The following MAPK10 variants were observed in gnomAD, a reference collection of about 807,000 sequenced individuals.
MAPK10 encodes the protein JNK3 alpha protein kinase.
MAPK10 carries 25 observed loss-of-function variants against 59.3 expected under a neutral mutation model. The ratio of observed to expected loss-of-function variants is 0.42; its 90% confidence interval spans 0.31 to 0.59. The LOEUF is 0.59. MAPK10 is among the 20% of genes least tolerant of loss of function. The pLI is 0.15. For synonymous variants in MAPK10, 190 were observed against 200.5 expected (o/e 0.95, Z 0.44); for missense variants, 351 against 568.9 (o/e 0.62, Z 3.90).
At chr4:86,500,488 G>A (rs1260147505) in intron 1 of MAPK10, among the ~76,000 whole-genome samples, 3 of 152,102 alleles carry the variant, frequency 2.0e-5, no homozygotes, top group African/African-American at 7.2e-5. Flanking sequence ...AAAGTGTTCT[G>A]AGTTTCCTGA....
At chr4:86,366,017 A>G (rs974066057) in intron 1 of MAPK10, among the ~76,000 whole-genome samples, 3 of 152,320 alleles carry the variant, frequency 2.0e-5, no homozygotes, top group East Asian at 3.9e-4. Context: ...TTGCTCTCCA[A>G]TCAAGGAGAT....
intron 1 of MAPK10, among the ~76,000 whole-genome samples, chr4:86,575,747 T>G (rs1236698765): frequency 6.6e-6 from 1 of 150,812 alleles, no homozygotes; most frequent in Non-Finnish European, 1.5e-5. Context: ...TGTTTAAGAA[T>G]GAGTTACTAC....
chr4:86,046,952 T>C (rs1018876231), intron 11 of MAPK10, among the ~76,000 whole-genome samples: 1 of 152,152 alleles, frequency 6.6e-6, no homozygotes, highest in Non-Finnish European at 1.5e-5. Flanking sequence ...AAAAGAGATA[T>C]ATAATGTCAA....
rs544408630 is a variant in MAPK10, at chr4:86,337,436, T to C, written c.-7+17094A>G. 8.5e-5 allele frequency among the ~76,000 whole-genome samples: 13 copies of C among 152,330 alleles called. 1 individual carries two copies. The highest frequency in any genetic ancestry group is 7.8e-4 in the Admixed American group (12 of 15,308). ...ATATCCACATTTATGTGAGTGGATG[T>C]CCAGAAGAAAGTATATAGTAAGTCT... On this transcript the variant is annotated intron_variant, in intron 2 of 13. Coordinates refer to ENST00000641462, the MANE Select transcript of MAPK10 (RefSeq NM_138982.4).
chr4:86,329,795 T>C (rs2096111005), intron 2 of MAPK10, among the ~76,000 whole-genome samples: 1 of 152,058 alleles, frequency 6.6e-6, no homozygotes, highest in African/African-American at 2.4e-5. Context: ...TTAGTCAATA[T>C]AGCACTTTTT....
intron 1 of MAPK10, among the ~76,000 whole-genome samples, chr4:86,583,512 A>C (rs575064758): frequency 2.6e-5 from 4 of 152,320 alleles, no homozygotes; most frequent in East Asian, 1.9e-4. Flanking sequence ...CATTAAAAAA[A>C]CGCAGTTTTC....
intron 1 of MAPK10, among the ~76,000 whole-genome samples, chr4:86,443,741 C>T (rs966051753): frequency 6.6e-6 from 1 of 152,104 alleles, no homozygotes; most frequent in Non-Finnish European, 1.5e-5. Flanking sequence ...CACTAAAAGG[C>T]AGAAAGCACA....
At chr4:86,047,998 CA>C (rs1049965562) in intron 11 of MAPK10, among the ~76,000 whole-genome samples, 2 of 151,888 alleles carry the variant, frequency 1.3e-5, no homozygotes, top group African/African-American at 4.8e-5. Context: ...TGATCTGAGT[CA>C]AGGTATATTT....
At chr4:86,573,784 T>C (rs952943171) in intron 1 of MAPK10, among the ~76,000 whole-genome samples, 7 of 152,242 alleles carry the variant, frequency 4.6e-5, no homozygotes, top group African/African-American at 1.2e-4. Context: ...GTTTTCAATA[T>C]AGAAATTTTC....
At chr4:86,258,623 C>T (rs2093855686) in intron 2 of MAPK10, among the ~76,000 whole-genome samples, 1 of 152,154 alleles carries the variant, frequency 6.6e-6, no homozygotes, top group Admixed American at 6.5e-5. Context: ...CTTTATCCCA[C>T]TCCAGCCACC....
upstream of MAPK10, among the ~76,000 whole-genome samples, chr4:86,455,412 C>T (rs1171003598): frequency 6.6e-6 from 1 of 152,134 alleles, no homozygotes; most frequent in Non-Finnish European, 1.5e-5. Context: ...TCAAGAGACA[C>T]ACCTAACACA....
At chr4:86,130,873 C>T (rs1220910854) in intron 4 of MAPK10, among the ~76,000 whole-genome samples, 1 of 152,046 alleles carries the variant, frequency 6.6e-6, no homozygotes. Context: ...TCAGTCATTC[C>T]TGTTGGTATT....
chr4:86,360,069 AGACG>A (rs1391805910), upstream of MAPK10: 2 of 985,778 alleles, frequency 2.0e-6, no homozygotes, highest in Non-Finnish European at 2.4e-6. Context: ...CTACCAGAGG[AGACG>A]GACAGAGGGC....
At chr4:86,417,918 G>A (rs1220885886) in intron 1 of MAPK10, among the ~76,000 whole-genome samples, 3 of 152,166 alleles carry the variant, frequency 2.0e-5, no homozygotes, top group Non-Finnish European at 1.5e-5. Flanking sequence ...AATTTGGCCT[G>A]AAATGTAGAA....
At chr4:86,075,359 G>A (rs2049070029) in intron 9 of MAPK10, among the ~76,000 whole-genome samples, 1 of 152,056 alleles carries the variant, frequency 6.6e-6, no homozygotes, top group African/African-American at 2.4e-5. Flanking sequence ...GTAGCTCAGA[G>A]TAATTTGATC....
At chr4:86,422,975 G>T (rs566608890) in intron 1 of MAPK10, among the ~76,000 whole-genome samples, 1 of 152,232 alleles carries the variant, frequency 6.6e-6, no homozygotes, top group African/African-American at 2.4e-5. Flanking sequence ...GAAAGGTAAA[G>T]TTTATTTTCT....
Position 86,102,187 on chromosome 4 carries a change from G to A in MAPK10, c.426-155C>T, listed in dbSNP as rs374699667. ...CTGAGCATTTCCAGGTATTGCATGT[G>A]TGTTAGCTATACGAACCCTACCAAA... On this transcript the variant is annotated intron_variant, in intron 6 of 13. Coordinates refer to ENST00000641462, the MANE Select transcript of MAPK10 (RefSeq NM_138982.4). 1.7e-5 allele frequency: 11 copies of A among 647,952 alleles called. No homozygotes were observed. The East Asian group carries it at 2.8e-4, about 17-fold the overall frequency. 40.1% of individuals were successfully genotyped at this position (647,952 alleles called of 1,614,324 possible).
intron 4 of MAPK10, among the ~76,000 whole-genome samples, chr4:86,140,663 C>T (rs996906755): frequency 6.6e-6 from 1 of 150,996 alleles, no homozygotes; most frequent in Admixed American, 6.6e-5. Context: ...TGCACATGTA[C>T]CCTAAAACTT....
At chr4:86,135,077 A>G (rs937431401) in intron 4 of MAPK10, among the ~76,000 whole-genome samples, 6 of 152,136 alleles carry the variant, frequency 3.9e-5, no homozygotes, top group African/African-American at 1.4e-4. Context: ...GCAGTCTGAG[A>G]TCAAACTGCA....
Sources: allele counts gnomAD v4.1 joint callset (sites outside exome capture counted in the v4.1 genomes callset), GRCh38; gene constraint gnomAD v4.1.1; transcripts MANE v1.5; gene names NCBI Gene and HGNC (gene_info 2026-07-23, HGNC 2026-07-21).